OTOG: variants seen among roughly 807,000 people sequenced by gnomAD.
OTOG encodes otogelin.
Under a neutral mutation model 313.8 loss-of-function variants are expected in OTOG, and 296 were observed. That is an observed-to-expected ratio of 0.94 (90% CI 0.86 to 1.04). OTOG has a LOEUF of 1.04. Among genes scored for constraint, OTOG ranks in the 50% least tolerant of loss-of-function variants. OTOG has a pLI of 0.00. For missense variants in OTOG, 3,948 were observed against 3,840.1 expected, an observed-to-expected ratio of 1.03 and a Z score of -0.74; for synonymous variants, 1,533 against 1,554.9, an observed-to-expected ratio of 0.99 and a Z score of 0.33.
At chr11:17,639,160 C>A (rs183243116) in intron 48 of OTOG, among the ~76,000 whole-genome samples, 1 of 152,334 alleles carries the variant, frequency 6.6e-6, no homozygotes, top group Admixed American at 6.5e-5. Flanking sequence ...GCCTATTTAT[C>A]CTTGCTCCAT....
At position 17,560,763 on chromosome 11, in the gene OTOG, T is replaced by G. The variant is rs147355325; in HGVS notation, c.1397T>G (p.Phe466Cys). Residue 466 changes from phenylalanine to cysteine, a missense_variant, in exon 13 of 56, where the codon TTT (phenylalanine) becomes TGT (cysteine). Physicochemically the swap from Phe to Cys is radical, Grantham distance 205 (BLOSUM62 -2). Transcript: ENST00000399397. ...CVAPAECPCEFHGTLYPPGSV... is the reference protein window; with the variant it reads ...CVAPAECPCECHGTLYPPGSV... The stretch of plus-strand genomic sequence containing the variant: ...GCACCAGCTGAGTGTCCCTGTGAGT[T>G]TCACGGGACTCTGTACCCACCTGGC... The G allele has an allele frequency of 3.8e-4, 596 of 1,550,706 alleles. 3 individuals are homozygous for G. The African/African-American group carries it at 6.5e-3, about 17-fold the overall frequency.
chr11:17,618,137 G>A lies in OTOG; in HGVS notation c.6528+4436G>A, dbSNP rs113831110. Among the ~76,000 whole-genome samples the A allele has an allele frequency of 2.4e-3, 371 of 152,220 alleles. 1 individual carries two copies. Among genetic ancestry groups the A allele is most frequent in the African/African-American group, 8.4e-3 (350 of 41,546 alleles). On this transcript the variant is annotated intron_variant, in intron 39 of 55. Coordinates refer to ENST00000399397, the MANE Select transcript of OTOG (RefSeq NM_001292063.2). ...AGGATGGTCGCGATCTCCTGATCTC[G>A]TGATCCACCCGCCTTGGCCTCCCAA... is the stretch of plus-strand genomic sequence containing the variant.
Position 17,612,144 on chromosome 11 carries a change from C to T in OTOG, c.6124-18C>T. ...AGCTCCTTGATGGTCACTCACACTT[C>T]CTCCACTCTGTACCCAGCCAATCGC... On this transcript the variant is annotated intron_variant, in intron 36 of 55. Transcript: ENST00000399397. 6.5e-7 allele frequency: 1 copy of T among 1,548,844 alleles called. No homozygotes were observed. Among genetic ancestry groups the T allele is most frequent in the Non-Finnish European group, 8.7e-7 (1 of 1,146,932 alleles).
chr11:17,639,032 G>A (rs10832823), intron 48 of OTOG: 40,208 of 315,202 alleles, frequency 0.13, 3,188 homozygotes, highest in Non-Finnish European at 0.17. Context: ...CAGCCTGGGC[G>A]ACAGAGTGAG....
chr11:17,557,124 A>G lies in OTOG; in HGVS notation c.666A>G (p.Gln222=). The change falls in exon 8 of 56, where the codon CAA becomes CAG. Residue 222 remains glutamine, a synonymous_variant. Coordinates refer to ENST00000399397, the MANE Select transcript of OTOG (RefSeq NM_001292063.2). ...KEVTHGGMRV[Q]LPHVMGSARL... ...TCTGGGATGTGCCCTGCAGGGTCCA[A>G]CTGCCACATGTCATGGGGAGCGCGC... The G allele has an allele frequency of 1.3e-6, 2 of 1,550,022 alleles. No individual in the cohort carries two copies. The highest frequency in any genetic ancestry group is 1.7e-6 in the Non-Finnish European group (2 of 1,146,982).
At chr11:17,550,064 A>G (rs1851900996) in intron 3 of OTOG, among the ~76,000 whole-genome samples, 1 of 152,258 alleles carries the variant, frequency 6.6e-6, no homozygotes, top group Non-Finnish European at 1.5e-5. Flanking sequence ...ATTGTTATTT[A>G]CAGAAACCTC....
chr11:17,563,990 C>G (rs895238489), intron 15 of OTOG, among the ~76,000 whole-genome samples: 1 of 151,976 alleles, frequency 6.6e-6, no homozygotes, highest in East Asian at 1.9e-4. Context: ...GCCACCACAC[C>G]TGGCCATCAG....
intron 39 of OTOG, among the ~76,000 whole-genome samples, chr11:17,627,276 C>T (rs185315958): frequency 4.0e-4 from 60 of 151,622 alleles, no homozygotes; most frequent in Non-Finnish European, 6.9e-4. Flanking sequence ...GCTTCTATTA[C>T]TTTGAGGTAT....
chr11:17,564,506 G>T (rs746403538), intron 15 of OTOG, among the ~76,000 whole-genome samples: 3 of 152,186 alleles, frequency 2.0e-5, no homozygotes, highest in Non-Finnish European at 4.4e-5. Flanking sequence ...AACGAGGTTG[G>T]AATATTCCAG....
chr11:17,608,804 G>T (rs1370196400), intron 34 of OTOG, among the ~76,000 whole-genome samples: 1 of 152,184 alleles, frequency 6.6e-6, no homozygotes, highest in Non-Finnish European at 1.5e-5. Flanking sequence ...GGGTACATGA[G>T]GCCATGTGAG....
chr11:17,559,199 G>A (rs373282902), intron 11 of OTOG, 38 bp downstream of exon 11: 1 of 1,412,998 alleles, frequency 7.1e-7, no homozygotes, highest in Admixed American at 2.1e-5. Flanking sequence ...GAGGCCTTCA[G>A]GCTGTGGGTG....
Position 17,610,767 on chromosome 11 carries a change from G to T in OTOG, c.5467G>T (p.Gly1823Cys). The T allele has an allele frequency of 6.5e-7, 1 of 1,549,880 alleles. No homozygotes were observed. Residue 1823 changes from glycine (G) to cysteine (C), a missense_variant, in exon 36 of 56, where the codon GGC becomes TGC. By Grantham distance (159) the Gly-to-Cys change is radical. Transcript: ENST00000399397. ...CACATCTGCCCCAGTGGCCACACCC[G>T]GCCCCAAAGCCTCTGTCATCACCAC... is the stretch of plus-strand genomic sequence containing the variant. ...VGTSAPVATPGPKASVITTPL... is the reference protein window; with the variant it reads ...VGTSAPVATPCPKASVITTPL...
Position 17,641,855 on chromosome 11 carries a change from G to A in OTOG, c.8199G>A (p.Glu2733=), listed in dbSNP as rs1341036564. The part of the protein sequence containing the change: ...LCDIHCEANQ[E]YEHPRDLAAC... Reference sequence around the variant, plus strand: ...CCCGCCCTGGCCTGTAGAACCAGGAGTACGAGCACCCGCGGGACCTCGCTG... The same window carrying A: ...CCCGCCCTGGCCTGTAGAACCAGGAATACGAGCACCCGCGGGACCTCGCTG... The change falls in exon 52 of 56, where the codon GAG becomes GAA. Residue 2733 remains glutamate, a synonymous_variant. Transcript: ENST00000399397. 1 of 1,549,766 alleles carries A rather than the reference G, an allele frequency of 6.5e-7. No homozygotes were observed. The highest frequency in any genetic ancestry group is 1.2e-5 in the South Asian group (1 of 83,926).
At chr11:17,590,292 A>G (rs1354317664) in intron 24 of OTOG, among the ~76,000 whole-genome samples, 1 of 152,170 alleles carries the variant, frequency 6.6e-6, no homozygotes, top group African/African-American at 2.4e-5. Context: ...CTTCTCCCTC[A>G]GCCTTCCCCA....
chr11:17,611,453 C>T (rs141591212), intron 36 of OTOG, 30 bp downstream of exon 36: 467 of 1,475,452 alleles, frequency 3.2e-4, no homozygotes, highest in South Asian at 5.8e-4. Flanking sequence ...TCTGGCCACC[C>T]GTATGTGACC....
intron 3 of OTOG, 82 bp from the exon 4 acceptor site, chr11:17,551,918 G>C: frequency 8.0e-7 from 1 of 1,245,678 alleles, no homozygotes; most frequent in Non-Finnish European, 1.1e-6. Context: ...GAACAAAGAG[G>C]GCTGTGGCCA....
At chr11:17,561,254 G>C in intron 14 of OTOG, 117 bp downstream of exon 14, 2 of 1,181,198 alleles carry the variant, frequency 1.7e-6, no homozygotes, top group Non-Finnish European at 2.4e-6. Context: ...AGTTCCATTG[G>C]CTACGCCCCG....
At chr11:17,551,162 A>G (rs748870025) in intron 3 of OTOG, among the ~76,000 whole-genome samples, 1 of 152,122 alleles carries the variant, frequency 6.6e-6, no homozygotes, top group Non-Finnish European at 1.5e-5. Flanking sequence ...TTCTGGGGAC[A>G]TTGTACAAAT....
At chr11:17,595,949 C>A in intron 28 of OTOG, 89 bp from the exon 29 acceptor site, 1 of 865,928 alleles carries the variant, frequency 1.2e-6, no homozygotes, top group African/African-American at 1.7e-5. Context: ...GGGCAAGGAT[C>A]ATGGCGGCCA....
Sources: gnomAD v4.1 joint callset for allele counts (sites outside exome capture counted in the v4.1 genomes callset) on GRCh38, gnomAD v4.1.1 for gene constraint, MANE v1.5 for transcripts, NCBI Gene and HGNC (gene_info 2026-07-23, HGNC 2026-07-21) for gene names.